AR: variants seen among roughly 807,000 people sequenced by gnomAD.
The protein encoded by AR is dihydrotestosterone receptor.
A neutral mutation model predicts 53.9 loss-of-function variants in AR; 8 were observed. The ratio of observed to expected loss-of-function variants is 0.15; its 90% CI spans 0.09 to 0.27. The LOEUF (loss-of-function observed/expected upper bound fraction) is 0.27, where lower values mean the gene tolerates loss of function less well. Among genes scored for constraint, AR ranks in the 10% least tolerant of loss-of-function variants. The pLI is 1.00. For missense variants in AR, 639 were observed against 742.5 expected (o/e 0.86, Z 1.62); for synonymous variants, 359 against 316.4 (o/e 1.13, Z -1.43).
At chrX:67,689,561 G>A (rs1463548615) in intron 3 of AR, 1 of 963,877 alleles carries the variant, frequency 1.0e-6, no homozygotes, top group Non-Finnish European at 1.3e-6. Flanking sequence ...TCTAGCAGCT[G>A]TTGTTGTTTC....
chrX:67,679,013 G>A (rs771672873), intron 2 of AR, among the ~76,000 whole-genome samples: 1 of 111,232 alleles, frequency 9.0e-6, no homozygotes, highest in Admixed American at 9.6e-5. Context: ...TCTCAGTATT[G>A]CTAAAAGAGT....
chrX:67,661,376 G>A (rs759028179), intron 2 of AR, among the ~76,000 whole-genome samples: 1 of 111,127 alleles, frequency 9.0e-6, no homozygotes, highest in Non-Finnish European at 1.9e-5. Context: ...TTATTATTTT[G>A]AGATACGTCC....
rs867801558 is a variant in AR, at chrX:67,545,322, A to T, written c.176A>T (p.Gln59Leu). The T allele has an allele frequency of 1.1e-4, 67 of 594,900 alleles. No homozygotes were observed. Among genetic ancestry groups the T allele is most frequent in the Middle Eastern group, 1.3e-3 (2 of 1,556 alleles). 49.0% of individuals were successfully genotyped at this position (594,900 alleles called of 1,213,427 possible). The change falls in exon 1 of 8, where the codon CAG (glutamine) becomes CTG (leucine). Residue 59 changes from glutamine to leucine, a missense_variant. Around this residue, in one of 5 missense-constraint regions of AR, gnomAD observed 55 missense variants for 84.8 expected, o/e 0.65. Coordinates refer to ENST00000374690, the MANE Select transcript of AR (RefSeq NM_000044.6). ...GGCGCCAGTTTGCTGCTGCTGCAGC[A>T]GCAGCAGCAGCAGCAGCAGCAGCAG... Reference protein sequence around the residue: ...PPGASLLLLQQQQQQQQQQQQ... With the variant: ...PPGASLLLLQLQQQQQQQQQQ...
At chrX:67,699,002 AC>A (rs2076031998) in intron 3 of AR, among the ~76,000 whole-genome samples, 1 of 111,956 alleles carries the variant, frequency 8.9e-6, no homozygotes, top group Non-Finnish European at 1.9e-5. Flanking sequence ...CTGAACAAAG[AC>A]CTCAAAGTCA....
rs747075936 is a variant in AR, at chrX:67,724,003, T to G, written c.*162T>G. On this transcript the variant is annotated 3_prime_UTR_variant, in exon 8 of 8. Transcript: ENST00000374690. ...TCCTGAATTCTATTTGCTGGGCTTT[T>G]TTTTTCTCTTTCTCTCCTTTCTTTT... is the stretch of plus-strand genomic sequence containing the variant. 2 of 694,100 alleles carry G rather than the reference T, an allele frequency of 2.9e-6. No individual in the cohort carries two copies. Among genetic ancestry groups the G allele is most frequent in the Admixed American group, 3.5e-5 (1 of 28,946 alleles). The allele number at this position is 694,100 out of a possible 1,213,427, so 57.2% of individuals were successfully genotyped here.
At chrX:67,659,808 G>C (rs760657001) in intron 2 of AR, among the ~76,000 whole-genome samples, 4 of 111,620 alleles carry the variant, frequency 3.6e-5, no homozygotes, top group African/African-American at 1.3e-4. Context: ...CTTCCACAAT[G>C]GTTCAACTAG....
At position 67,708,755 on chromosome X, in the gene AR, T is replaced by C. The variant is rs1444645072; in HGVS notation, c.1886-2647T>C. ...GTTTCAGTTTTTCTGCTCTGTTTTT[T>C]CCCCATCTTTGTGGTTTTATCTACC... is the stretch of plus-strand genomic sequence containing the variant. On this transcript the variant is annotated intron_variant, in intron 3 of 7. Coordinates refer to ENST00000374690, the MANE Select transcript of AR (RefSeq NM_000044.6). 2.7e-5 allele frequency among the ~76,000 whole-genome samples: 3 copies of C among 111,825 alleles called. No homozygotes were observed. In the Admixed American group the frequency reaches 2.9e-4, roughly 11 times the overall value.
At chrX:67,626,049 A>G (rs986173548) in intron 1 of AR, among the ~76,000 whole-genome samples, 1 of 111,774 alleles carries the variant, frequency 8.9e-6, no homozygotes, top group Non-Finnish European at 1.9e-5. Flanking sequence ...CAGTACCTCA[A>G]GCATTTATCA....
intron 1 of AR, among the ~76,000 whole-genome samples, chrX:67,625,543 G>GCATAAGGA (rs1351460387): frequency 4.5e-5 from 5 of 111,407 alleles, no homozygotes; most frequent in African/African-American, 1.6e-4. Context: ...TATGGTATTG[G>GCATAAGGA]CATAAGGACA....
chrX:67,722,946 T>A lies in AR; in HGVS notation c.2569T>A (p.Phe857Ile). 8.3e-7 allele frequency: 1 copy of A among 1,211,720 alleles called. No homozygotes were observed. The highest frequency in any genetic ancestry group is 3.0e-5 in the East Asian group (1 of 33,819). ...AAATCCCACATCCTGCTCAAGACGC[T>A]TCTACCAGCTCACCAAGCTCCTGGA... ...RKNPTSCSRR[F>I]YQLTKLLDSV... The change falls in exon 7 of 8, where the codon TTC becomes ATC. Residue 857 changes from phenylalanine to isoleucine, a missense_variant. This residue lies in a region of AR where 95 missense variants were observed against 196.4 expected (regional missense o/e 0.48). Transcript: ENST00000374690.
At chrX:67,612,605 T>A (rs1923933221) in intron 1 of AR, among the ~76,000 whole-genome samples, 1 of 112,132 alleles carries the variant, frequency 8.9e-6, no homozygotes, top group Non-Finnish European at 1.9e-5. Context: ...ACGAAGGTGT[T>A]TCTATAGGCA....
chrX:67,651,013 G>C (rs1408126448), intron 2 of AR, among the ~76,000 whole-genome samples: 5 of 110,735 alleles, frequency 4.5e-5, no homozygotes, highest in African/African-American at 1.6e-4. Flanking sequence ...GCTTCCAGGA[G>C]GTTATAGCTT....
chrX:67,597,505 G>A (rs764381374), intron 1 of AR, among the ~76,000 whole-genome samples: 7 of 111,918 alleles, frequency 6.3e-5, no homozygotes, highest in African/African-American at 2.3e-4. Context: ...TCTTCATGTT[G>A]CCAGATATTA....
chrX:67,563,504 G>T (rs1921424016), intron 1 of AR, among the ~76,000 whole-genome samples: 1 of 111,616 alleles, frequency 9.0e-6, no homozygotes, highest in African/African-American at 3.3e-5. Context: ...ATTATTAGTA[G>T]TAGTAGTAGT....
chrX:67,635,502 A>G (rs186145622), intron 1 of AR, among the ~76,000 whole-genome samples: 9 of 110,958 alleles, frequency 8.1e-5, no homozygotes, highest in African/African-American at 2.6e-4. Flanking sequence ...TCTTCAAAGT[A>G]TCCCCAAGTC....
chrX:67,561,204 C>T (rs1042567319), intron 1 of AR, among the ~76,000 whole-genome samples: 1 of 112,019 alleles, frequency 8.9e-6, no homozygotes, highest in Non-Finnish European at 1.9e-5. Context: ...ATCCACAGCA[C>T]ATAACTTAAC....
At chrX:67,548,025 G>T (rs1314264064) in intron 1 of AR, among the ~76,000 whole-genome samples, 1 of 112,076 alleles carries the variant, frequency 8.9e-6, no homozygotes, top group Non-Finnish European at 1.9e-5. Flanking sequence ...AACTCCTCAG[G>T]TAGGCCAGGT....
intron 5 of AR, among the ~76,000 whole-genome samples, chrX:67,717,888 A>T (rs1206040938): frequency 8.9e-6 from 1 of 112,376 alleles, no homozygotes. Context: ...TTTGCAGCTT[A>T]TCTCAAAACC....
At chrX:67,676,099 CAT>C (rs1457937730) in intron 2 of AR, among the ~76,000 whole-genome samples, 1 of 112,272 alleles carries the variant, frequency 8.9e-6, no homozygotes, top group African/African-American at 3.2e-5. Context: ...CAAAATATCA[CAT>C]GAGTATTATT....
Sources: gnomAD v4.1 joint callset for allele counts (sites outside exome capture counted in the v4.1 genomes callset) on GRCh38, gnomAD v4.1.1 for gene constraint, gnomAD v4.1.1 regional missense constraint, MANE v1.5 for transcripts, NCBI Gene and HGNC (gene_info 2026-07-23, HGNC 2026-07-21) for gene names.